The following PGBD5 variants were observed in gnomAD, a reference collection of about 807,000 sequenced individuals.
PGBD5 encodes piggyBac transposable element derived 5.
In PGBD5, 14 loss-of-function variants were observed where a neutral mutation model predicts 47.9. That is an observed-to-expected ratio of 0.29 (90% confidence interval 0.19 to 0.46). The LOEUF is 0.46. Ranked by LOEUF, PGBD5 falls within the 20% of genes least tolerant of loss-of-function variation. The pLI is 1.00. For missense variants in PGBD5, 635 were observed against 716.0 expected, an observed-to-expected ratio of 0.89 and a Z score of 1.29; for synonymous variants, 316 against 306.3, an observed-to-expected ratio of 1.03 and a Z score of -0.33.
At position 230,323,407 on chromosome 1, in the gene PGBD5, A is replaced by C. The variant is rs1667067304; in HGVS notation, c.*18T>G. On this transcript the variant is annotated 3_prime_UTR_variant, in exon 7 of 7. Transcript: ENST00000391860. The surrounding 1 kb of genome is among the most constrained non-coding windows in gnomAD (Gnocchi z 4.1). The stretch of plus-strand genomic sequence containing the variant: ...CCTCCTCTTGCCCCTCCCTTGACCG[A>C]GTCCTGCGCCCCCAGCATCAGTGGG... 1 of 1,607,620 alleles carries C rather than the reference A, an allele frequency of 6.2e-7. No homozygotes were observed. The highest frequency in any genetic ancestry group is 1.1e-5 in the South Asian group (1 of 89,970).
intron 1 of PGBD5, among the ~76,000 whole-genome samples, chr1:230,359,427 C>T (rs1667709426): frequency 6.6e-6 from 1 of 152,172 alleles, no homozygotes; most frequent in African/African-American, 2.4e-5. Context: ...CTCTCTCCAA[C>T]CTTCCTTTAT....
chr1:230,338,611 C>T (rs973519697), intron 3 of PGBD5, among the ~76,000 whole-genome samples: 9 of 152,092 alleles, frequency 5.9e-5, no homozygotes, highest in African/African-American at 2.2e-4. Flanking sequence ...CCAGCCTGAC[C>T]AACATGGTGA....
chr1:230,334,285 C>T (rs1238452844), intron 4 of PGBD5, among the ~76,000 whole-genome samples: 1 of 152,174 alleles, frequency 6.6e-6, no homozygotes, highest in Non-Finnish European at 1.5e-5. Flanking sequence ...AAGCTACTCT[C>T]ATCTAGAGAT....
rs530069733 is a variant in PGBD5 at position 230,332,717 on chromosome 1, C to T, written c.1273+127G>A. On this transcript the variant is annotated intron_variant, in intron 5 of 6. Coordinates refer to ENST00000391860, the MANE Select transcript of PGBD5 (RefSeq NM_001258311.2). ...CGTGGCCCCAGATGCTGGGGAATAA[C>T]CGAGGGTAGTCTGACCCCAGAGCAG... 1,672 of 1,100,960 alleles carry T rather than the reference C, an allele frequency of 1.5e-3. 3 individuals are homozygous for T. The highest frequency in any genetic ancestry group is 2.0e-3 in the Non-Finnish European group (1,525 of 753,646). The allele number at this position is 1,100,960 out of a possible 1,614,324, so 68.2% of individuals were successfully genotyped here. A position where few individuals can be genotyped will look rare whatever the true frequency, so the allele number is the denominator to read the frequency against.
In PGBD5 at chr1:230,315,737, CTGTA is replaced by C. The variant is rs1408863649; in HGVS notation, c.*7684_*7687del. 2.7e-5 allele frequency: 4 copies of C among 148,566 alleles called. No homozygotes were observed. Among genetic ancestry groups the C allele is most frequent in the East Asian group, 2.0e-4 (1 of 4,990 alleles). 9.2% of individuals were successfully genotyped at this position (148,566 alleles called of 1,614,324 possible). A position where few individuals can be genotyped will look rare whatever the true frequency, so the allele number is the denominator to read the frequency against. On this transcript the variant is annotated 3_prime_UTR_variant, in exon 7 of 7. Transcript: ENST00000391860. ...GATAGATATATATATTAAGTGGACACTGTATGTGTATATATACACATACATATAT... is the reference window on the plus strand; with the variant it reads ...GATAGATATATATATTAAGTGGACACTGTGTATATATACACATACATATAT...
At chr1:230,338,143 T>C (rs1667355241) in intron 3 of PGBD5, among the ~76,000 whole-genome samples, 1 of 152,056 alleles carries the variant, frequency 6.6e-6, no homozygotes, top group Non-Finnish European at 1.5e-5. Context: ...ATGTTGCCTG[T>C]GGTTTCTATG....
At chr1:230,373,337 C>T (rs2102719705) in intron 1 of PGBD5, among the ~76,000 whole-genome samples, 1 of 152,166 alleles carries the variant, frequency 6.6e-6, no homozygotes, top group East Asian at 1.9e-4. Flanking sequence ...GGTTTTGGGT[C>T]TTGTGTCGGC....
intron 1 of PGBD5, among the ~76,000 whole-genome samples, chr1:230,413,918 G>A (rs1657463801): frequency 6.6e-6 from 1 of 152,148 alleles, no homozygotes; most frequent in Non-Finnish European, 1.5e-5. Context: ...TCTGCCAAAT[G>A]TATGAAATGT....
intron 1 of PGBD5, among the ~76,000 whole-genome samples, chr1:230,410,284 A>G (rs1364433664): frequency 6.6e-6 from 1 of 152,236 alleles, no homozygotes. Context: ...CATGACAAAA[A>G]GTTATTTCTC....
intron 1 of PGBD5, among the ~76,000 whole-genome samples, chr1:230,358,763 T>G (rs566201997): frequency 1.3e-5 from 2 of 152,356 alleles, no homozygotes; most frequent in East Asian, 3.9e-4. Context: ...TACAGTCACA[T>G]GCTGCACAGG....
Position 230,425,956 on chromosome 1 carries a change from C to A in PGBD5, c.-28G>T. The A allele has an allele frequency of 1.0e-6, 1 of 958,086 alleles. No homozygotes were observed. Among genetic ancestry groups the A allele is most frequent in the Non-Finnish European group, 1.2e-6 (1 of 807,212 alleles). The allele number at this position is 958,086 out of a possible 1,614,324, so 59.3% of individuals were successfully genotyped here. Reference sequence around the variant, plus strand: ...CCCCGGCCGCCGCCCGCGCGCCCGCCCCCACAGTGCCTCCCAGCCGCACAC... The same window carrying A: ...CCCCGGCCGCCGCCCGCGCGCCCGCACCCACAGTGCCTCCCAGCCGCACAC... On this transcript the variant is annotated 5_prime_UTR_variant, in exon 1 of 7. Coordinates refer to ENST00000391860, the MANE Select transcript of PGBD5 (RefSeq NM_001258311.2). This position sits in a 1 kb window ranked among gnomAD's most constrained non-coding sequence, Gnocchi z 4.7.
Position 230,375,814 on chromosome 1 carries a change from T to G in PGBD5, c.332-18493A>C, listed in dbSNP as rs954254936. The stretch of plus-strand genomic sequence containing the variant: ...GTCAGGAGCACTTCTACAGTTGTTT[T>G]TTTTGTTTTGTTTTGTTTTGTTTTA... On this transcript the variant is annotated intron_variant, in intron 1 of 6. Transcript: ENST00000391860. Among the ~76,000 whole-genome samples, 12 of 151,870 alleles carry G rather than the reference T, an allele frequency of 7.9e-5. No homozygotes were observed. The East Asian group carries it at 1.7e-3, about 22-fold the overall frequency.
Position 230,350,901 on chromosome 1 carries a change from G to A in PGBD5, c.894+57C>T, listed in dbSNP as rs892023684. The A allele has an allele frequency of 2.0e-5, 31 of 1,589,584 alleles. No individual in the cohort carries two copies. The East Asian group carries it at 2.2e-4, about 12-fold the overall frequency. On this transcript the variant is annotated intron_variant, in intron 3 of 6. Transcript: ENST00000391860. Reference sequence around the variant, plus strand: ...GGTATCAGATGAGCCCAAGTCGCCCGGATTTTCTTCCCCGACCCTCTTCAC... The same window carrying A: ...GGTATCAGATGAGCCCAAGTCGCCCAGATTTTCTTCCCCGACCCTCTTCAC...
At chr1:230,405,257 G>A (rs145024650) in intron 1 of PGBD5, among the ~76,000 whole-genome samples, 4 of 151,122 alleles carry the variant, frequency 2.6e-5, no homozygotes, top group South Asian at 2.1e-4. Context: ...TGAACAACAC[G>A]GGTTTGACCT....
At position 230,425,993 on chromosome 1, in the gene PGBD5, G is replaced by C; in HGVS notation, c.-65C>G. Reference sequence around the variant, plus strand: ...TCCCAGCCGCACACGCCGGGCCCTGGGCCCGCGCCGCGGCCCGCCGCCCCC... The same window carrying C: ...TCCCAGCCGCACACGCCGGGCCCTGCGCCCGCGCCGCGGCCCGCCGCCCCC... On this transcript the variant is annotated 5_prime_UTR_variant, in exon 1 of 7. Transcript: ENST00000391860. The surrounding 1 kb of genome is among the most constrained non-coding windows in gnomAD (Gnocchi z 4.7). 1 of 804,740 alleles carries C rather than the reference G, an allele frequency of 1.2e-6. No individual in the cohort carries two copies. The highest frequency in any genetic ancestry group is 1.5e-6 in the Non-Finnish European group (1 of 668,980). 49.8% of individuals were successfully genotyped at this position (804,740 alleles called of 1,614,324 possible). A position where few individuals can be genotyped will look rare whatever the true frequency, so the allele number is the denominator to read the frequency against.
intron 1 of PGBD5, among the ~76,000 whole-genome samples, chr1:230,397,201 C>A (rs1657009165): frequency 1.3e-5 from 2 of 152,236 alleles, no homozygotes; most frequent in Admixed American, 1.3e-4. Flanking sequence ...AATTCCTTCC[C>A]ACTGTTCCCG....
chr1:230,372,567 A>C (rs828453), intron 1 of PGBD5, among the ~76,000 whole-genome samples: 108,773 of 152,014 alleles, frequency 0.72, 39,311 homozygotes, highest in Non-Finnish European at 0.74. Context: ...ACAGAATACT[A>C]CTCTCCAATG....
At chr1:230,329,126 G>GA (rs1192136205) in intron 5 of PGBD5, among the ~76,000 whole-genome samples, 1 of 151,284 alleles carries the variant, frequency 6.6e-6, no homozygotes, top group African/African-American at 2.4e-5. Flanking sequence ...TTTTTTTGGG[G>GA]GGGGAGGTGG....
At chr1:230,394,001 G>A (rs535391142) in intron 1 of PGBD5, among the ~76,000 whole-genome samples, 25 of 152,050 alleles carry the variant, frequency 1.6e-4, no homozygotes, top group African/African-American at 2.9e-4. Flanking sequence ...GGCTCATTCC[G>A]CCCCTGACTG....
Sources: allele counts gnomAD v4.1 joint callset (sites outside exome capture counted in the v4.1 genomes callset), GRCh38; gene constraint gnomAD v4.1.1; non-coding constraint Gnocchi (gnomAD v3.1); transcripts MANE v1.5; gene names NCBI Gene and HGNC (gene_info 2026-07-23, HGNC 2026-07-21).